TNFRSF13B: variants seen among roughly 807,000 people sequenced by gnomAD.
TNFRSF13B encodes the protein TNF receptor superfamily member 13B, also known as tumor necrosis factor receptor superfamily member 13B.
A neutral mutation model predicts 24.0 loss-of-function variants in TNFRSF13B; 34 were observed. The ratio of observed to expected loss-of-function variants is 1.41; its 90% CI spans 1.08 to 1.88. The LOEUF (loss-of-function observed/expected upper bound fraction) is 1.88. Ranked by LOEUF, TNFRSF13B falls within the 40% of genes most tolerant of loss-of-function variation. TNFRSF13B has a pLI of 0.00. For missense variants in TNFRSF13B, 415 were observed against 380.8 expected, an observed-to-expected ratio of 1.09 and a Z score of -0.75; for synonymous variants, 173 against 150.3, an observed-to-expected ratio of 1.15 and a Z score of -1.10.
chr17:16,941,527 G>A, intron 3 of TNFRSF13B: 22 of 987,636 alleles, frequency 2.2e-5, no homozygotes, highest in Non-Finnish European at 2.7e-5. Flanking sequence ...GTCAAGAAGA[G>A]CGAGTCCCAC....
intron 3 of TNFRSF13B, among the ~76,000 whole-genome samples, chr17:16,942,717 G>A (rs1270177557): frequency 2.0e-5 from 3 of 152,316 alleles, no homozygotes; most frequent in South Asian, 2.1e-4. Flanking sequence ...GAAATGAACG[G>A]CGTTGATTCA....
At position 16,939,490 on chromosome 17, in the gene TNFRSF13B, TTCTC is replaced by T; in HGVS notation, c.*53_*56del. 6.5e-7 allele frequency: 1 copy of T among 1,538,782 alleles called. No homozygotes were observed. Among genetic ancestry groups the T allele is most frequent in the Non-Finnish European group, 8.8e-7 (1 of 1,133,056 alleles). On this transcript the variant is annotated 3_prime_UTR_variant, in exon 5 of 5. Coordinates refer to ENST00000261652, the MANE Select transcript of TNFRSF13B (RefSeq NM_012452.3). The stretch of plus-strand genomic sequence containing the variant: ...CTCTCTCCCCTCTCCCCACCTCTCT[TTCTC>T]TCTCCCCTCCTCTCCATCTCTCTCC...
At chr17:16,959,526 A>G (rs1048777503) in intron 1 of TNFRSF13B, among the ~76,000 whole-genome samples, 1 of 152,024 alleles carries the variant, frequency 6.6e-6, no homozygotes, top group Non-Finnish European at 1.5e-5. Flanking sequence ...CAATAGAGAA[A>G]ATCAACAAAA....
chr17:16,955,813 T>C (rs2087620949), intron 1 of TNFRSF13B, among the ~76,000 whole-genome samples: 2 of 152,236 alleles, frequency 1.3e-5, no homozygotes, highest in Non-Finnish European at 2.9e-5. Flanking sequence ...TGTGGAGTTG[T>C]CCAGGGGAGA....
At chr17:16,940,858 G>A in intron 3 of TNFRSF13B, 2 of 1,211,966 alleles carry the variant, frequency 1.7e-6, no homozygotes, top group Non-Finnish European at 2.1e-6. Context: ...ATGTCTCTGT[G>A]CATCCTGAAC....
chr17:16,959,212 C>T (rs993570585), intron 1 of TNFRSF13B, among the ~76,000 whole-genome samples: 5 of 151,922 alleles, frequency 3.3e-5, no homozygotes, highest in African/African-American at 7.2e-5. Flanking sequence ...TTAAACAACA[C>T]GCTCTTCAAC....
At chr17:16,940,229 C>G in intron 4 of TNFRSF13B, 97 bp downstream of exon 4, 2 of 1,609,716 alleles carry the variant, frequency 1.2e-6, no homozygotes. Context: ...CTGGGCCTCT[C>G]CACCTAGAAG....
At chr17:16,941,706 G>T (rs1043943947) in intron 3 of TNFRSF13B, among the ~76,000 whole-genome samples, 1 of 152,250 alleles carries the variant, frequency 6.6e-6, no homozygotes, top group East Asian at 1.9e-4. Flanking sequence ...AATGGCAACT[G>T]TCTAATTGGA....
chr17:16,940,760 T>C, intron 3 of TNFRSF13B: 1 of 1,413,848 alleles, frequency 7.1e-7, no homozygotes, highest in East Asian at 2.6e-5. Context: ...CTTCTTGTTG[T>C]CTCCACTTGC....
chr17:16,941,176 C>G, intron 3 of TNFRSF13B: 1 of 961,686 alleles, frequency 1.0e-6, no homozygotes, highest in Non-Finnish European at 1.2e-6. Context: ...TGCAACTATC[C>G]CCTATCTTTT....
chr17:16,956,993 T>C (rs906852296), intron 1 of TNFRSF13B, among the ~76,000 whole-genome samples: 1 of 152,106 alleles, frequency 6.6e-6, no homozygotes, highest in African/African-American at 2.4e-5. Flanking sequence ...AACCCTAATG[T>C]AAACGTCGGA....
At chr17:16,966,131 G>A (rs2087697291) in intron 1 of TNFRSF13B, among the ~76,000 whole-genome samples, 1 of 151,956 alleles carries the variant, frequency 6.6e-6, no homozygotes, top group Non-Finnish European at 1.5e-5. Context: ...GTGTGCGCCT[G>A]TAATCCCAGC....
chr17:16,956,259 C>T (rs1377437897), intron 1 of TNFRSF13B, among the ~76,000 whole-genome samples: 1 of 152,138 alleles, frequency 6.6e-6, no homozygotes, highest in Non-Finnish European at 1.5e-5. Context: ...TGGCTTCAGC[C>T]CTTAACAGGC....
At chr17:16,956,900 A>G (rs1042945570) in intron 1 of TNFRSF13B, among the ~76,000 whole-genome samples, 8 of 152,204 alleles carry the variant, frequency 5.3e-5, no homozygotes, top group Non-Finnish European at 1.2e-4. Flanking sequence ...TTTTTAGGGC[A>G]GTGAAGCTAC....
chr17:16,948,502 G>A (rs936337935), intron 3 of TNFRSF13B, among the ~76,000 whole-genome samples: 2 of 152,198 alleles, frequency 1.3e-5, no homozygotes, highest in African/African-American at 2.4e-5. Flanking sequence ...AGCCTCTAGT[G>A]CAAGGCTCTT....
In TNFRSF13B at chr17:16,939,438, G is replaced by T; in HGVS notation, c.*109C>A. ...GTCTCCTCTGTTTCTCTCCCTCTCTGCCTCCTCTGTCTCTCTCTCCTCATA... is the reference window on the plus strand; with the variant it reads ...GTCTCCTCTGTTTCTCTCCCTCTCTTCCTCCTCTGTCTCTCTCTCCTCATA... On this transcript the variant is annotated 3_prime_UTR_variant, in exon 5 of 5. Transcript: ENST00000261652. The T allele has an allele frequency of 1.5e-6, 2 of 1,296,766 alleles. No individual in the cohort carries two copies. The highest frequency in any genetic ancestry group is 2.1e-6 in the Non-Finnish European group (2 of 957,784). The allele number at this position is 1,296,766 out of a possible 1,614,324, so 80.3% of individuals were successfully genotyped here.
rs2087559048 is a variant in TNFRSF13B, at chr17:16,947,750, G to A, written c.445+988C>T. 2.0e-5 allele frequency among the ~76,000 whole-genome samples: 3 copies of A among 152,224 alleles called. No individual in the cohort carries two copies. The South Asian group carries it at 6.2e-4, about 32-fold the overall frequency. On this transcript the variant is annotated intron_variant, in intron 3 of 4. Transcript: ENST00000261652. The stretch of plus-strand genomic sequence containing the variant: ...AGGGAACGCTTATACGCTGTTGGTG[G>A]AATGTAAATTAGTTCAGCCACTGTA...
intron 4 of TNFRSF13B, 189 bp from the exon 5 acceptor site, chr17:16,939,986 G>T: frequency 4.0e-6 from 4 of 990,456 alleles, no homozygotes; most frequent in Non-Finnish European, 4.3e-6. Flanking sequence ...GGGTGGGCAG[G>T]CAATTCTTGG....
At chr17:16,958,178 G>A (rs1035595584) in intron 1 of TNFRSF13B, among the ~76,000 whole-genome samples, 3 of 151,782 alleles carry the variant, frequency 2.0e-5, no homozygotes, top group Non-Finnish European at 2.9e-5. Context: ...AAACTAGGAC[G>A]TCATAAGTTT....
Sources: allele counts gnomAD v4.1 joint callset (sites outside exome capture counted in the v4.1 genomes callset), GRCh38; gene constraint gnomAD v4.1.1; transcripts MANE v1.5; gene names NCBI Gene and HGNC (gene_info 2026-07-23, HGNC 2026-07-21).